ZNF567: variants seen among roughly 807,000 people sequenced by gnomAD.
ZNF567 encodes zinc finger protein 567.
Under a neutral mutation model 53.9 loss-of-function variants are expected in ZNF567, and 36 were observed. That is an observed-to-expected ratio of 0.67 (90% CI 0.51 to 0.88). The LOEUF is 0.88. Ranked by LOEUF, ZNF567 falls within the 40% of genes least tolerant of loss-of-function variation. ZNF567 has a pLI of 0.00. For missense variants in ZNF567, 619 were observed against 764.7 expected, an observed-to-expected ratio of 0.81 and a Z score of 2.25; for synonymous variants, 224 against 260.4, an observed-to-expected ratio of 0.86 and a Z score of 1.35.
chr19:36,704,772 A>G (rs1305896925), intron 3 of ZNF567, among the ~76,000 whole-genome samples: 2 of 152,178 alleles, frequency 1.3e-5, no homozygotes, highest in African/African-American at 2.4e-5. Context: ...TTTATATAGA[A>G]TTGGTATTAT....
chr19:36,710,773 G>A (rs1298252048), intron 3 of ZNF567, among the ~76,000 whole-genome samples: 4 of 152,106 alleles, frequency 2.6e-5, no homozygotes, highest in African/African-American at 2.4e-5. Flanking sequence ...GTCAGTTCAA[G>A]CTCTGACACC....
At chr19:36,699,061 C>T (rs1329032954) in intron 3 of ZNF567, among the ~76,000 whole-genome samples, 3 of 151,962 alleles carry the variant, frequency 2.0e-5, no homozygotes, top group Non-Finnish European at 2.9e-5. Context: ...TTAGGTCTAA[C>T]GTTTAAGTCT....
downstream of ZNF567, among the ~76,000 whole-genome samples, chr19:36,724,009 T>C (rs1010642536): frequency 3.4e-5 from 5 of 146,370 alleles, no homozygotes; most frequent in Non-Finnish European, 6.0e-5. Flanking sequence ...TATTTCTTTT[T>C]TTTTTTTTTT....
chr19:36,699,569 C>A (rs1261997762), intron 3 of ZNF567, among the ~76,000 whole-genome samples: 1 of 152,132 alleles, frequency 6.6e-6, no homozygotes, highest in Non-Finnish European at 1.5e-5. Context: ...GAATGTTCTT[C>A]CATTTGTTTG....
rs1290577067 is a variant in ZNF567 at position 36,720,330 on chromosome 19, A to G, written c.1606A>G (p.Asn536Asp). The G allele has an allele frequency of 2.2e-5, 35 of 1,614,084 alleles. No individual in the cohort carries two copies. The highest frequency in any genetic ancestry group is 2.5e-5 in the Non-Finnish European group (30 of 1,180,038). Residue 536 changes from asparagine to aspartate, a missense_variant, in exon 6 of 6, where the codon AAT becomes GAT. Physicochemically the swap from Asn to Asp is conservative, Grantham distance 23. Coordinates refer to ENST00000682579, the MANE Select transcript of ZNF567 (RefSeq NM_001322917.1). Reference sequence around the variant, plus strand: ...TACAGGGGAGAAACCCTATGTTTGTAATGAATGTGGGAAGTCCTTTCGCCA... The same window carrying G: ...TACAGGGGAGAAACCCTATGTTTGTGATGAATGTGGGAAGTCCTTTCGCCA... ...IHTGEKPYVC[N>D]ECGKSFRQKA...
At chr19:36,725,303 A>G (rs887435359), downstream of ZNF567, among the ~76,000 whole-genome samples, 3 of 151,894 alleles carry the variant, frequency 2.0e-5, no homozygotes, top group Non-Finnish European at 4.4e-5. Flanking sequence ...CCCAGTTTCA[A>G]GCGACTCTCC....
chr19:36,704,049 A>C (rs564957011), intron 3 of ZNF567, among the ~76,000 whole-genome samples: 1 of 152,302 alleles, frequency 6.6e-6, no homozygotes, highest in Non-Finnish European at 1.5e-5. Context: ...TGTAGACCAG[A>C]GCTGTTCCTA....
At chr19:36,691,600 C>T (rs2145563513) in intron 2 of ZNF567, among the ~76,000 whole-genome samples, 1 of 152,278 alleles carries the variant, frequency 6.6e-6, no homozygotes, top group East Asian at 1.9e-4. Context: ...CATGTCACCA[C>T]CATCACCCAA....
intron 3 of ZNF567, among the ~76,000 whole-genome samples, chr19:36,697,505 G>C (rs1333588026): frequency 6.6e-6 from 1 of 151,956 alleles, no homozygotes; most frequent in Non-Finnish European, 1.5e-5. Context: ...GTACAATGTT[G>C]AGTAGAAGTT....
chr19:36,718,790 G>A (rs897116255), intron 5 of ZNF567, among the ~76,000 whole-genome samples, 158 bp from the exon 6 acceptor site: 4 of 152,122 alleles, frequency 2.6e-5, no homozygotes, highest in Admixed American at 2.6e-4. Context: ...CCACTCTGAA[G>A]CAGTTTTTGT....
At chr19:36,692,976 T>C (rs1333754893) in intron 2 of ZNF567, among the ~76,000 whole-genome samples, 1 of 152,098 alleles carries the variant, frequency 6.6e-6, no homozygotes, top group Non-Finnish European at 1.5e-5. Context: ...CACTTACTCT[T>C]TCTCAAAGTT....
chr19:36,686,031 G>T (rs150991934), upstream of ZNF567: 1 of 152,196 alleles, frequency 6.6e-6, no homozygotes, highest in Non-Finnish European at 1.5e-5. Context: ...GGCAGGAAAA[G>T]GGGAAGAGAA....
chr19:36,727,380 C>T (rs2040339965), downstream of ZNF567: 1 of 134,126 alleles, frequency 7.5e-6, no homozygotes, highest in South Asian at 2.5e-4. Context: ...CCAAGTAGAG[C>T]AATTTTTTTT....
At chr19:36,687,960 CGTGTGT>C (rs138621038) in intron 1 of ZNF567, among the ~76,000 whole-genome samples, 1 of 150,772 alleles carries the variant, frequency 6.6e-6, no homozygotes, top group Non-Finnish European at 1.5e-5. Context: ...ACAGGCGCTC[CGTGTGT>C]GTGTGTGTGG....
the ZNF567 span, chr19:36,668,587 C>G: frequency 2.6e-5 from 4 of 152,268 alleles, no homozygotes; most frequent in East Asian, 5.8e-4. Flanking sequence ...GCGTCCTGAA[C>G]CTTAGATGTA....
rs1015468967 is a variant in ZNF567 at position 36,720,907 on chromosome 19, A to G, written c.*239A>G. 3.4e-6 allele frequency: 1 copy of G among 294,372 alleles called. No homozygotes were observed. The highest frequency in any genetic ancestry group is 2.2e-5 in the African/African-American group (1 of 46,002). The allele number at this position is 294,372 out of a possible 1,614,324, so 18.2% of individuals were successfully genotyped here. ...GTCAACTGCTCTTCCTACTGACTCA[A>G]ATAGTTTATTTTTTAAAAATACTTA... On this transcript the variant is annotated 3_prime_UTR_variant, in exon 6 of 6. Coordinates refer to ENST00000682579, the MANE Select transcript of ZNF567 (RefSeq NM_001322917.1).
At chr19:36,721,749 T>TC (rs2040305289), downstream of ZNF567, among the ~76,000 whole-genome samples, 1 of 139,016 alleles carries the variant, frequency 7.2e-6, no homozygotes, top group African/African-American at 2.9e-5. Context: ...TTTTTCTTTT[T>TC]TTTTTTTTTT....
intron 5 of ZNF567, 137 bp downstream of exon 5, chr19:36,713,004 TA>T: frequency 1.5e-6 from 1 of 679,492 alleles, no homozygotes. Flanking sequence ...TTCATGCCTA[TA>T]AAACTCAAAA....
At chr19:36,695,898 A>C (rs2038861370) in intron 3 of ZNF567, among the ~76,000 whole-genome samples, 1 of 152,134 alleles carries the variant, frequency 6.6e-6, no homozygotes, top group Non-Finnish European at 1.5e-5. Context: ...AAATTGACAG[A>C]ATTTATATAG....
Sources: allele counts gnomAD v4.1 joint callset (sites outside exome capture counted in the v4.1 genomes callset), GRCh38; gene constraint gnomAD v4.1.1; transcripts MANE v1.5; gene names NCBI Gene and HGNC (gene_info 2026-07-23, HGNC 2026-07-21).